Variants in AHCYL2 observed in about 807,000 individuals in gnomAD.
AHCYL2 encodes adenosylhomocysteinase like 2, also known as S-adenosylhomocysteine hydrolase-like protein 2.
A neutral mutation model predicts 81.4 loss-of-function variants in AHCYL2; 28 were observed. The ratio of observed to expected loss-of-function variants is 0.34; its 90% CI spans 0.25 to 0.47. The LOEUF is 0.47. AHCYL2 is among the 20% of genes least tolerant of loss of function. The pLI, the probability that AHCYL2 is intolerant of heterozygous loss-of-function variation, is 1.00. For synonymous variants in AHCYL2, 272 were observed against 290.2 expected, an observed-to-expected ratio of 0.94 and a Z score of 0.64; for missense variants, 551 against 785.1, an observed-to-expected ratio of 0.70 and a Z score of 3.56.
chr7:129,252,971 G>T (rs562758310), intron 1 of AHCYL2, among the ~76,000 whole-genome samples: 1 of 152,274 alleles, frequency 6.6e-6, no homozygotes, highest in South Asian at 2.1e-4. Context: ...CGCTTTGGGA[G>T]GCTGAGGTGG....
intron 1 of AHCYL2, among the ~76,000 whole-genome samples, chr7:129,259,254 T>C (rs1022886962): frequency 6.6e-6 from 1 of 152,196 alleles, no homozygotes; most frequent in African/African-American, 2.4e-5. Context: ...ATTTGGCTTA[T>C]GGTGGAACAA....
chr7:129,377,467 T>C (rs1417925513), intron 1 of AHCYL2: 2 of 452,598 alleles, frequency 4.4e-6, no homozygotes, highest in Non-Finnish European at 8.9e-6. Context: ...TAAAAGGCAA[T>C]GTGAAGCTAT....
chr7:129,274,149 C>T (rs1475789191), intron 1 of AHCYL2, among the ~76,000 whole-genome samples: 1 of 152,166 alleles, frequency 6.6e-6, no homozygotes, highest in Admixed American at 6.5e-5. Flanking sequence ...TGTTATGTGT[C>T]TCCTGTTCCT....
intron 1 of AHCYL2, among the ~76,000 whole-genome samples, chr7:129,276,228 TAG>T (rs1160560314): frequency 3.9e-5 from 6 of 151,984 alleles, no homozygotes. Flanking sequence ...AAGCAGCATT[TAG>T]AGGGAAATTT....
chr7:129,265,565 A>AT (rs1197677905), intron 1 of AHCYL2, among the ~76,000 whole-genome samples: 1 of 152,132 alleles, frequency 6.6e-6, no homozygotes, highest in Non-Finnish European at 1.5e-5. Flanking sequence ...TTTTTCAGGA[A>AT]TTAGCAAGGA....
chr7:129,345,501 C>T (rs1276583773), intron 1 of AHCYL2, among the ~76,000 whole-genome samples: 1 of 152,002 alleles, frequency 6.6e-6, no homozygotes, highest in Admixed American at 6.6e-5. Flanking sequence ...CTGCTTGGGC[C>T]CAAACATGGA....
intron 1 of AHCYL2, among the ~76,000 whole-genome samples, chr7:129,238,951 CA>C (rs879299535): frequency 4.7e-5 from 7 of 150,496 alleles, no homozygotes; most frequent in African/African-American, 1.2e-4. Flanking sequence ...AACTCCGTCT[CA>C]AAAAAAAAGA....
At chr7:129,291,514 CTTT>C (rs34719441) in intron 1 of AHCYL2, among the ~76,000 whole-genome samples, 5 of 133,196 alleles carry the variant, frequency 3.8e-5, no homozygotes, top group Non-Finnish European at 8.0e-5. Flanking sequence ...TACCCGAGAC[CTTT>C]TTTTTTTTTT....
chr7:129,289,662 G>A (rs1796765778), intron 1 of AHCYL2, among the ~76,000 whole-genome samples: 1 of 152,000 alleles, frequency 6.6e-6, no homozygotes, highest in Non-Finnish European at 1.5e-5. Flanking sequence ...CTCCAATTAG[G>A]CATTGGTTTT....
chr7:129,399,046 G>A (rs1795887469), intron 5 of AHCYL2, among the ~76,000 whole-genome samples: 1 of 149,142 alleles, frequency 6.7e-6, no homozygotes, highest in African/African-American at 2.5e-5. Flanking sequence ...TGAGGCTGAG[G>A]CAGGAGAATC....
chr7:129,321,920 C>T (rs1376734374), intron 1 of AHCYL2, among the ~76,000 whole-genome samples: 2 of 151,616 alleles, frequency 1.3e-5, no homozygotes, highest in African/African-American at 4.8e-5. Flanking sequence ...GGATTATAGG[C>T]ACATGCCACC....
At chr7:129,332,773 G>A (rs1172131845) in intron 1 of AHCYL2, among the ~76,000 whole-genome samples, 3 of 152,214 alleles carry the variant, frequency 2.0e-5, no homozygotes, top group African/African-American at 7.2e-5. Context: ...AATAAAGCTA[G>A]CTGTGAGCAA....
At chr7:129,255,010 C>T (rs1007325664) in intron 1 of AHCYL2, among the ~76,000 whole-genome samples, 8 of 152,236 alleles carry the variant, frequency 5.3e-5, no homozygotes, top group Middle Eastern at 3.4e-3. Flanking sequence ...CGTGGTGGCT[C>T]CCAGCACTTT....
chr7:129,276,417 A>G lies in AHCYL2; in HGVS notation c.363+50978A>G, dbSNP rs559427973. ...AAAGAAATGAATAAAAACCAAGGAA[A>G]GTAGAAGGGAAGAATAAAAAAAAAA... is the stretch of plus-strand genomic sequence containing the variant. On this transcript the variant is annotated intron_variant, in intron 1 of 16. Coordinates refer to ENST00000325006, the MANE Select transcript of AHCYL2 (RefSeq NM_015328.4). 2.1e-3 allele frequency among the ~76,000 whole-genome samples: 281 copies of G among 131,112 alleles called. 1 individual carries two copies. The highest frequency in any genetic ancestry group is 2.2e-3 in the Non-Finnish European group (133 of 60,144). 86.0% of individuals were successfully genotyped at this position (131,112 alleles called of 152,430 possible).
At chr7:129,228,593 AG>A (rs760458953) in intron 1 of AHCYL2, among the ~76,000 whole-genome samples, 3 of 152,270 alleles carry the variant, frequency 2.0e-5, no homozygotes, top group Non-Finnish European at 2.9e-5. Flanking sequence ...GGAATGAGGT[AG>A]TACTAGCTGA....
chr7:129,320,705 G>T (rs1205968536), intron 1 of AHCYL2, among the ~76,000 whole-genome samples: 1 of 152,248 alleles, frequency 6.6e-6, no homozygotes, highest in South Asian at 2.1e-4. Flanking sequence ...TCACAAGGTT[G>T]TACAACCATC....
At chr7:129,366,361 A>T (rs6966595) in intron 1 of AHCYL2, among the ~76,000 whole-genome samples, 2 of 151,958 alleles carry the variant, frequency 1.3e-5, no homozygotes, top group Admixed American at 1.3e-4. Context: ...CCTCTTCCAT[A>T]GATATTACCT....
intron 1 of AHCYL2, among the ~76,000 whole-genome samples, chr7:129,228,573 A>G (rs1794308777): frequency 6.6e-6 from 1 of 152,254 alleles, no homozygotes; most frequent in Non-Finnish European, 1.5e-5. Context: ...TGGGAAGGTA[A>G]GTTCCACAGG....
chr7:129,366,671 G>A (rs1322116549), intron 1 of AHCYL2, among the ~76,000 whole-genome samples: 2 of 151,818 alleles, frequency 1.3e-5, no homozygotes, highest in African/African-American at 4.8e-5. Flanking sequence ...AGCTACTCGG[G>A]AGGCTGAGGC....
Sources: allele counts gnomAD v4.1 joint callset (sites outside exome capture counted in the v4.1 genomes callset), GRCh38; gene constraint gnomAD v4.1.1; transcripts MANE v1.5; gene names NCBI Gene and HGNC (gene_info 2026-07-23, HGNC 2026-07-21).